RNF32: variants seen among roughly 807,000 people sequenced by gnomAD.
RNF32 encodes ring finger protein 32.
A neutral mutation model predicts 41.0 loss-of-function variants in RNF32; 36 were observed. The ratio of observed to expected loss-of-function variants is 0.88; its 90% CI spans 0.67 to 1.16. The LOEUF is 1.16. Among genes scored for constraint, RNF32 ranks in the 50% most tolerant of loss-of-function variants. The pLI is 0.00. For missense variants in RNF32, 413 were observed against 436.7 expected (o/e 0.95, Z 0.48); for synonymous variants, 154 against 160.9 (o/e 0.96, Z 0.32).
intron 3 of RNF32, among the ~76,000 whole-genome samples, chr7:156,651,071 C>T (rs901492309): frequency 1.3e-5 from 2 of 152,178 alleles, no homozygotes. Flanking sequence ...TCAGAAGATC[C>T]ATGGGCATAG....
intron 3 of RNF32, among the ~76,000 whole-genome samples, chr7:156,647,990 CTG>C (rs1798194955): frequency 6.7e-6 from 1 of 150,354 alleles, no homozygotes; most frequent in Non-Finnish European, 1.5e-5. Flanking sequence ...TGGGAAATAT[CTG>C]TTCGTATCAT....
At chr7:156,640,679 A>G (rs1286861937), upstream of RNF32, 4 of 308,568 alleles carry the variant, frequency 1.3e-5, no homozygotes, top group Admixed American at 1.5e-4. Flanking sequence ...GGGGCGGGGC[A>G]GGGCTGGTGA....
intron 7 of RNF32, among the ~76,000 whole-genome samples, chr7:156,664,367 A>C (rs954529792): frequency 1.6e-4 from 25 of 152,200 alleles, no homozygotes; most frequent in Admixed American, 1.3e-3. Flanking sequence ...AGGCTGAGGC[A>C]GGAGAATAGC....
At chr7:156,650,134 A>G (rs1798525523) in intron 3 of RNF32, among the ~76,000 whole-genome samples, 1 of 152,198 alleles carries the variant, frequency 6.6e-6, no homozygotes, top group Admixed American at 6.5e-5. Context: ...GGTGTGTGTC[A>G]TTGTTCACAG....
intron 7 of RNF32, chr7:156,659,273 G>A: frequency 2.0e-6 from 2 of 1,019,686 alleles, no homozygotes; most frequent in Non-Finnish European, 1.2e-6. Context: ...CCAGCACACA[G>A]TAGGTGCTGG....
chr7:156,646,585 C>A, intron 3 of RNF32: 1 of 1,040,678 alleles, frequency 9.6e-7, no homozygotes, highest in Non-Finnish European at 1.3e-6. Context: ...TGAGATGACA[C>A]AATTCAACCC....
intron 7 of RNF32, among the ~76,000 whole-genome samples, chr7:156,667,743 A>T (rs567391663): frequency 6.6e-6 from 1 of 152,258 alleles, no homozygotes; most frequent in Non-Finnish European, 1.5e-5. Flanking sequence ...TACAATAGTT[A>T]ATAAATGTTG....
rs113746445 is a variant in RNF32, at chr7:156,660,966, A to G, written c.684+2396A>G. ...TTACAGATTGTAGGTGGATTCAGAG[A>G]TTCTTTATTTGCAGTTGGTTAAAGG... On this transcript the variant is annotated intron_variant, in intron 7 of 8. Coordinates refer to ENST00000317955, the MANE Select transcript of RNF32 (RefSeq NM_030936.4). Among the ~76,000 whole-genome samples the G allele has an allele frequency of 4.5e-3, 689 of 152,310 alleles. 3 individuals carry two copies. The highest frequency in any genetic ancestry group is 0.024 in the Middle Eastern group (7 of 294).
intron 4 of RNF32, among the ~76,000 whole-genome samples, chr7:156,657,181 G>A (rs909388384): frequency 3.3e-5 from 5 of 152,278 alleles, no homozygotes; most frequent in East Asian, 1.9e-4. Flanking sequence ...TTTACTTAGC[G>A]TTTCCCTGGC....
upstream of RNF32, chr7:156,640,452 C>T (rs1214141351): frequency 2.7e-6 from 1 of 371,734 alleles, no homozygotes; most frequent in Admixed American, 3.4e-5. Flanking sequence ...CTGCACGCCC[C>T]CGTGCTTCAG....
At position 156,657,334 on chromosome 7, in the gene RNF32, A is replaced by G. The variant is rs535368896; in HGVS notation, c.418-207A>G. The G allele has an allele frequency of 4.3e-5, 25 of 577,196 alleles. No homozygotes were observed. In the East Asian group the frequency reaches 6.9e-4, roughly 16 times the overall value. 35.8% of individuals were successfully genotyped at this position (577,196 alleles called of 1,614,324 possible). ...ATATCAAACTTCATGTGTTTATTTG[A>G]TATTTCAGATCATGAATTTTTGTTA... On this transcript the variant is annotated intron_variant, in intron 4 of 8. Coordinates refer to ENST00000317955, the MANE Select transcript of RNF32 (RefSeq NM_030936.4).
At chr7:156,660,041 C>T in intron 7 of RNF32, 1 of 985,722 alleles carries the variant, frequency 1.0e-6, no homozygotes, top group Non-Finnish European at 1.2e-6. Flanking sequence ...GGCCATCCCA[C>T]CTCCCCACAA....
intron 4 of RNF32, 86 bp from the exon 5 acceptor site, chr7:156,657,455 C>T: frequency 7.8e-7 from 1 of 1,283,316 alleles, no homozygotes; most frequent in East Asian, 2.3e-5. Flanking sequence ...TACAGCTTAC[C>T]TTCTAAGCAT....
chr7:156,664,309 A>G (rs185014804), intron 7 of RNF32, among the ~76,000 whole-genome samples: 8 of 151,846 alleles, frequency 5.3e-5, no homozygotes, highest in African/African-American at 1.4e-4. Context: ...TAAAAATACA[A>G]TATTAGCCGG....
intron 1 of RNF32, among the ~76,000 whole-genome samples, chr7:156,642,051 G>A (rs1188292698): frequency 6.6e-6 from 1 of 152,100 alleles, no homozygotes; most frequent in African/African-American, 2.4e-5. Context: ...TTGTTCTTTC[G>A]GTTGGAGTAA....
intron 7 of RNF32, among the ~76,000 whole-genome samples, chr7:156,671,688 G>A (rs1802576038): frequency 6.6e-6 from 1 of 152,164 alleles, no homozygotes; most frequent in Non-Finnish European, 1.5e-5. Context: ...CCCAGCTCAT[G>A]AGCACAGTCC....
intron 4 of RNF32, among the ~76,000 whole-genome samples, chr7:156,656,858 G>A (rs1200410659): frequency 1.3e-5 from 2 of 152,276 alleles, no homozygotes; most frequent in Non-Finnish European, 1.5e-5. Context: ...TGGCCTTTGT[G>A]TGGCAGCCCG....
chr7:156,675,784 A>G lies in RNF32; in HGVS notation c.773A>G (p.Asn258Ser). The change falls in exon 8 of 9, where the codon AAT becomes AGT. Residue 258 changes from asparagine to serine, a missense_variant. By Grantham distance (46) the Asn-to-Ser change is conservative (BLOSUM62 1). Coordinates refer to ENST00000317955, the MANE Select transcript of RNF32 (RefSeq NM_030936.4). ...FAEIDQCLAINRSVLQQLEEK... is the reference protein window; with the variant it reads ...FAEIDQCLAISRSVLQQLEEK... ...GAAATCGATCAGTGCTTGGCCATAA[A>G]TCGAAGTGTTCTTCAGCAGTTGGAA... 6.2e-7 allele frequency: 1 copy of G among 1,614,194 alleles called. No individual in the cohort carries two copies. Among genetic ancestry groups the G allele is most frequent in the Non-Finnish European group, 8.5e-7 (1 of 1,180,030 alleles).
chr7:156,640,402 C>T (rs1379501020), upstream of RNF32: 2 of 425,272 alleles, frequency 4.7e-6, no homozygotes, highest in Non-Finnish European at 9.3e-6. Context: ...ACAGCGAAGC[C>T]GGCGCGGGGC....
Sources: allele counts gnomAD v4.1 joint callset (sites outside exome capture counted in the v4.1 genomes callset), GRCh38; gene constraint gnomAD v4.1.1; transcripts MANE v1.5; gene names NCBI Gene and HGNC (gene_info 2026-07-23, HGNC 2026-07-21).